PLXNA1: variants seen among roughly 807,000 people sequenced by gnomAD.
PLXNA1 encodes the protein plexin A1, also known as plexin-A1.
In PLXNA1, 77 loss-of-function variants were observed where a neutral mutation model predicts 191.7. That is an observed-to-expected ratio of 0.40 (90% CI 0.33 to 0.49). PLXNA1 has a LOEUF of 0.49. Ranked by LOEUF, PLXNA1 falls within the 20% of genes least tolerant of loss-of-function variation. The probability of loss-of-function intolerance (pLI) is 0.63; values close to 1 mark genes in which losing one functional copy is unlikely to be tolerated. For missense variants in PLXNA1, 2,110 were observed against 2,660.2 expected (o/e 0.79, Z 4.55); for synonymous variants, 1,137 against 1,156.4 (o/e 0.98, Z 0.34).
At chr3:127,033,400 G>A (rs573162660) in intron 31 of PLXNA1, among the ~76,000 whole-genome samples, 14 of 152,312 alleles carry the variant, frequency 9.2e-5, no homozygotes, top group African/African-American at 2.4e-4. Flanking sequence ...GTGAACCAGA[G>A]CCACCCTGGG....
intron 23 of PLXNA1, among the ~76,000 whole-genome samples, 168 bp downstream of exon 23, chr3:127,022,986 C>T (rs1653617868): frequency 6.6e-6 from 1 of 152,242 alleles, no homozygotes; most frequent in Non-Finnish European, 1.5e-5. Context: ...CTCTCAGCTC[C>T]TGGCTCCCGG....
At chr3:127,022,608 T>A in intron 22 of PLXNA1, 144 bp from the exon 23 acceptor site, 2 of 804,134 alleles carry the variant, frequency 2.5e-6, no homozygotes, top group Non-Finnish European at 4.1e-6. Flanking sequence ...TGCCCACTCA[T>A]GTGGGTGCCT....
intron 23 of PLXNA1, among the ~76,000 whole-genome samples, chr3:127,023,174 C>T (rs1230828545): frequency 6.6e-6 from 1 of 152,196 alleles, no homozygotes; most frequent in Non-Finnish European, 1.5e-5. Flanking sequence ...TCCAGTCCAC[C>T]ACCTGTCATG....
At position 127,022,160 on chromosome 3, in the gene PLXNA1, A is replaced by G; in HGVS notation, c.4114A>G (p.Ile1372Val). The change falls in exon 22 of 32, where the codon ATC becomes GTC. Residue 1372 changes from isoleucine to valine, a missense_variant. Physicochemically the swap from Ile to Val is conservative, Grantham distance 29 (BLOSUM62 3). This residue lies in a region of PLXNA1 where 559 missense variants were observed against 911.5 expected (regional missense o/e 0.61). Transcript: ENST00000393409. ...CAAGAAGCACTTCCTGCTGACCTTC[A>G]TCCGCACGCTGGAGGCACAGCGCAG... ...LTKKHFLLTFIRTLEAQRSFS... is the reference protein window; with the variant it reads ...LTKKHFLLTFVRTLEAQRSFS... 1.2e-6 allele frequency: 2 copies of G among 1,613,314 alleles called. No individual in the cohort carries two copies. The highest frequency in any genetic ancestry group is 1.7e-6 in the Non-Finnish European group (2 of 1,179,968).
chr3:127,019,880 G>C (rs2079144072), intron 20 of PLXNA1, among the ~76,000 whole-genome samples: 2 of 152,190 alleles, frequency 1.3e-5, no homozygotes, highest in South Asian at 4.1e-4. Flanking sequence ...ACAGCGGGTG[G>C]AAGGAGCCCG....
At position 127,018,414 on chromosome 3, in the gene PLXNA1, G is replaced by T. The variant is rs777913150; in HGVS notation, c.3781G>T (p.Val1261Leu). ...CGGGGGTCTCCTGCTGCTGGTCATC[G>T]TGGCTGTGCTCATCGCCTACAAGCG... Reference protein sequence around the residue: ...GGGGLLLLVIVAVLIAYKRKS... With the variant: ...GGGGLLLLVILAVLIAYKRKS... The change falls in exon 20 of 32, where the codon GTG becomes TTG. Residue 1261 changes from valine (V) to leucine (L), a missense_variant. By Grantham distance (32) the Val-to-Leu change is conservative (BLOSUM62 1). Transcript: ENST00000393409. 5.6e-6 allele frequency: 9 copies of T among 1,612,954 alleles called. No individual in the cohort carries two copies. Among genetic ancestry groups the T allele is most frequent in the Non-Finnish European group, 6.8e-6 (8 of 1,180,010 alleles).
Position 127,018,323 on chromosome 3 carries a change from A to C in PLXNA1, c.3690A>C (p.Pro1230=), listed in dbSNP as rs1396907806. The change falls in exon 20 of 32, where the codon CCA becomes CCC. Residue 1230 remains proline, a synonymous_variant. Transcript: ENST00000393409. The part of the protein sequence containing the change: ...TVRAGGFEFS[P]GTLQVYSDSL... ...GGGCAGGTGGCTTCGAGTTCTCGCC[A>C]GGGACACTGCAGGTGTACTCGGACA... is the stretch of plus-strand genomic sequence containing the variant. 2.5e-6 allele frequency: 4 copies of C among 1,611,168 alleles called. No individual in the cohort carries two copies. The highest frequency in any genetic ancestry group is 3.4e-6 in the Non-Finnish European group (4 of 1,179,202).
At chr3:126,983,974 C>T (rs1053894143) in intron 1 of PLXNA1, among the ~76,000 whole-genome samples, 3 of 152,178 alleles carry the variant, frequency 2.0e-5, no homozygotes, top group African/African-American at 7.2e-5. Flanking sequence ...CTCTGGGTGC[C>T]GCCCAGGAGG....
In PLXNA1 at chr3:126,988,651, C is replaced by T; in HGVS notation, c.58C>T (p.Leu20=). Residue 20 remains leucine (L), a synonymous_variant, in exon 2 of 32, where the codon CTG becomes TTG. Transcript: ENST00000393409. ...CCTGCTGCTGCTGCTGTTGCTGCTG[C>T]TGCTGCCGGGCATGTGGGCTGAGGC... ...VLLLLLLLLL[L]LPGMWAEAGL... 6.3e-7 allele frequency: 1 copy of T among 1,578,962 alleles called. No homozygotes were observed. Among genetic ancestry groups the T allele is most frequent in the South Asian group, 1.2e-5 (1 of 84,876 alleles).
chr3:127,008,347 G>A (rs1402366446), intron 9 of PLXNA1, among the ~76,000 whole-genome samples: 4 of 152,196 alleles, frequency 2.6e-5, no homozygotes, highest in African/African-American at 9.7e-5. Context: ...ATGTTGGGCA[G>A]GGGAGCTTGC....
Position 127,028,050 on chromosome 3 carries a change from C to G in PLXNA1, c.4473C>G (p.Asp1491Glu), listed in dbSNP as rs750001787. 6.2e-7 allele frequency: 1 copy of G among 1,614,090 alleles called. No individual in the cohort carries two copies. The highest frequency in any genetic ancestry group is 2.2e-5 in the East Asian group (1 of 44,868). Residue 1491 changes from aspartate (D) to glutamate (E), a missense_variant, in exon 24 of 32, where the codon GAC becomes GAG. Coordinates refer to ENST00000393409, the MANE Select transcript of PLXNA1 (RefSeq NM_032242.4). ...TGEARYSLSEDKLIRQQIDYK... is the reference protein window; with the variant it reads ...TGEARYSLSEEKLIRQQIDYK... ...AGGCACGCTACTCCCTGAGTGAGGA[C>G]AAGCTCATCCGGCAGCAGATTGACT...
chr3:126,993,526 G>A (rs950850732), intron 3 of PLXNA1, among the ~76,000 whole-genome samples: 28 of 152,200 alleles, frequency 1.8e-4, no homozygotes, highest in Middle Eastern at 3.4e-3. Context: ...CCCTGGCCGG[G>A]CCCCCACCCC....
In PLXNA1 at chr3:127,017,566, A is replaced by G. The variant is rs2079130521; in HGVS notation, c.3418A>G (p.Asn1140Asp). ...MDNVRSLLVL[N>D]STSFLYYPDP... ...CAACGTGCGCTCCCTGCTTGTGCTC[A>G]ACTCCACCTCCTTCCTCTACTACCC... is the stretch of plus-strand genomic sequence containing the variant. The change falls in exon 18 of 32, where the codon AAC becomes GAC. Residue 1140 changes from asparagine (N) to aspartate (D), a missense_variant. By Grantham distance (23) the Asn-to-Asp change is conservative. Transcript: ENST00000393409. The G allele has an allele frequency of 4.3e-6, 7 of 1,613,428 alleles. No homozygotes were observed. The highest frequency in any genetic ancestry group is 4.2e-6 in the Non-Finnish European group (5 of 1,179,964).
chr3:126,990,712 C>G (rs746605634), intron 2 of PLXNA1, among the ~76,000 whole-genome samples: 4 of 152,368 alleles, frequency 2.6e-5, no homozygotes, highest in Admixed American at 6.5e-5. Flanking sequence ...CTCAGTCCTT[C>G]CGTCTCACGC....
chr3:126,993,310 C>G (rs2079000118), intron 3 of PLXNA1, among the ~76,000 whole-genome samples: 1 of 152,216 alleles, frequency 6.6e-6, no homozygotes, highest in Non-Finnish European at 1.5e-5. Flanking sequence ...CTTCCTGCCC[C>G]CATTCCTTCT....
At chr3:127,028,386 A>G in intron 25 of PLXNA1, 46 bp downstream of exon 25, 2 of 1,578,436 alleles carry the variant, frequency 1.3e-6, no homozygotes, top group Non-Finnish European at 1.7e-6. Context: ...GCTGGAGCAG[A>G]GGGGCAGGGC....
chr3:127,016,801 G>T, intron 16 of PLXNA1, 117 bp downstream of exon 16: 1 of 1,397,076 alleles, frequency 7.2e-7, no homozygotes. Context: ...CTATCCTGCC[G>T]GGAAGCACCC....
chr3:127,029,703 T>G (rs2079196831), intron 27 of PLXNA1, among the ~76,000 whole-genome samples, 167 bp downstream of exon 27: 1 of 152,174 alleles, frequency 6.6e-6, no homozygotes, highest in Non-Finnish European at 1.5e-5. Context: ...AGGCTGCGCC[T>G]CCTCGCGACT....
intron 31 of PLXNA1, 70 bp from the exon 32 acceptor site, chr3:127,033,852 T>C (rs898031178): frequency 2.9e-6 from 4 of 1,356,374 alleles, no homozygotes; most frequent in Non-Finnish European, 4.1e-6. Flanking sequence ...TCTGGAGGCA[T>C]CTGCCCTGGG....
Sources: gnomAD v4.1 joint callset for allele counts (sites outside exome capture counted in the v4.1 genomes callset) on GRCh38, gnomAD v4.1.1 for gene constraint, gnomAD v4.1.1 regional missense constraint, MANE v1.5 for transcripts, NCBI Gene and HGNC (gene_info 2026-07-23, HGNC 2026-07-21) for gene names.